KMT2E: variants seen among roughly 807,000 people sequenced by gnomAD.
KMT2E encodes lysine methyltransferase 2E (inactive).
In KMT2E, 30 loss-of-function variants were observed where a neutral mutation model predicts 184.6. That is an observed-to-expected ratio of 0.16 (90% CI 0.12 to 0.22). The LOEUF (loss-of-function observed/expected upper bound fraction) is 0.22. Among genes scored for constraint, KMT2E ranks in the 10% least tolerant of loss-of-function variants. The probability of loss-of-function intolerance (pLI) is 1.00; values close to 1 mark genes in which losing one functional copy is unlikely to be tolerated. For missense variants in KMT2E, 2,023 were observed against 2,237.4 expected (o/e 0.90, Z 1.93); for synonymous variants, 815 against 776.5 (o/e 1.05, Z -0.82).
Position 105,105,546 on chromosome 7 carries a change from T to C in KMT2E, c.2304T>C (p.Ala768=). ...LRITTDPEVL[A]TQLNSLPGLT... Reference sequence around the variant, plus strand: ...TAACTACAGATCCTGAAGTGTTAGCTACACAACTCAATTCTTTACCAGGTC... The same window carrying C: ...TAACTACAGATCCTGAAGTGTTAGCCACACAACTCAATTCTTTACCAGGTC... Residue 768 remains alanine, a synonymous_variant, in exon 18 of 27, where the codon GCT becomes GCC. Coordinates refer to ENST00000311117, the MANE Select transcript of KMT2E (RefSeq NM_182931.3). 1 of 1,614,158 alleles carries C rather than the reference T, an allele frequency of 6.2e-7. No homozygotes were observed. The highest frequency in any genetic ancestry group is 8.5e-7 in the Non-Finnish European group (1 of 1,179,992).
intron 3 of KMT2E, among the ~76,000 whole-genome samples, chr7:105,048,936 C>T (rs1172712265): frequency 1.3e-5 from 2 of 152,066 alleles, no homozygotes; most frequent in African/African-American, 2.4e-5. Context: ...ATTTTATTGG[C>T]TTAAGCAAGT....
chr7:105,029,407 A>G (rs1360915138), intron 1 of KMT2E, among the ~76,000 whole-genome samples: 1 of 152,200 alleles, frequency 6.6e-6, no homozygotes, highest in Non-Finnish European at 1.5e-5. Context: ...ATTTGATTTG[A>G]TTTGGTTTTA....
Position 105,107,451 on chromosome 7 carries a change from T to G in KMT2E, c.2994T>G (p.Ile998Met), listed in dbSNP as rs1174566464. The G allele has an allele frequency of 1.2e-6, 2 of 1,613,912 alleles. No individual in the cohort carries two copies. The highest frequency in any genetic ancestry group is 1.7e-5 in the Admixed American group (1 of 59,958). ...TELGLQEIKT[I>M]GYTSPRSRTE... The stretch of plus-strand genomic sequence containing the variant: ...TGGGTCTGCAAGAAATAAAGACTAT[T>G]GGTTATACGAGCCCTAGGAGTAGGA... Residue 998 changes from isoleucine to methionine, a missense_variant, in exon 22 of 27, where the codon ATT (isoleucine) becomes ATG (methionine). Ile to Met is a conservative substitution (Grantham distance 10). This residue lies in a region of KMT2E where 1,108 missense variants were observed against 1,050.9 expected (regional missense o/e 1.05). Coordinates refer to ENST00000311117, the MANE Select transcript of KMT2E (RefSeq NM_182931.3).
At chr7:105,083,024 C>T (rs978487923) in intron 13 of KMT2E, among the ~76,000 whole-genome samples, 1 of 152,166 alleles carries the variant, frequency 6.6e-6, no homozygotes. Context: ...AGATCCATAT[C>T]TGTATTCTTC....
At position 105,113,398 on chromosome 7, in the gene KMT2E, G is replaced by T. The variant is rs773439039; in HGVS notation, c.*65G>T. On this transcript the variant is annotated 3_prime_UTR_variant, in exon 27 of 27. Transcript: ENST00000311117. ...TAAACTGTATATTTCATATGTACCTGTTAAGGTACTTTTTAAAGCTTGTAC... is the reference window on the plus strand; with the variant it reads ...TAAACTGTATATTTCATATGTACCTTTTAAGGTACTTTTTAAAGCTTGTAC... The T allele has an allele frequency of 3.8e-5, 55 of 1,458,632 alleles. No homozygotes were observed. The highest frequency in any genetic ancestry group is 4.5e-5 in the Non-Finnish European group (49 of 1,087,132). 90.4% of individuals were successfully genotyped at this position (1,458,632 alleles called of 1,614,324 possible).
At chr7:105,102,805 G>A (rs1562928644) in intron 17 of KMT2E, 1 of 152,328 alleles carries the variant, frequency 6.6e-6, no homozygotes, top group Non-Finnish European at 1.5e-5. Flanking sequence ...ATGCTGTTTA[G>A]GGGTAGATCA....
At chr7:105,024,339 C>A (rs1478690131) in intron 1 of KMT2E, among the ~76,000 whole-genome samples, 2 of 152,064 alleles carry the variant, frequency 1.3e-5, no homozygotes, top group African/African-American at 4.8e-5. Context: ...AGTCTTAATT[C>A]GGTGTTTAAA....
Position 105,112,827 on chromosome 7 carries a change from C to T in KMT2E, c.5071C>T (p.His1691Tyr). The change falls in exon 27 of 27, where the codon CAT becomes TAT. Residue 1691 changes from histidine (H) to tyrosine (Y), a missense_variant. Coordinates refer to ENST00000311117, the MANE Select transcript of KMT2E (RefSeq NM_182931.3). ...CCCTCCTGGTCCTGCCCCTCATCACCATCCACCACCCCATCCATCCACAGG... is the reference window on the plus strand; with the variant it reads ...CCCTCCTGGTCCTGCCCCTCATCACTATCCACCACCCCATCCATCCACAGG... ...PPPPGPAPHH[H>Y]PPPHPSTGLQ... The T allele has an allele frequency of 6.2e-7, 1 of 1,600,740 alleles. No individual in the cohort carries two copies. Among genetic ancestry groups the T allele is most frequent in the South Asian group, 1.1e-5 (1 of 90,130 alleles).
intron 3 of KMT2E, among the ~76,000 whole-genome samples, chr7:105,051,518 A>G (rs1796346971): frequency 6.6e-6 from 1 of 152,140 alleles, no homozygotes; most frequent in South Asian, 2.1e-4. Context: ...ATCTCTATCC[A>G]GTTGCTTAAA....
At chr7:105,098,801 A>G (rs1798530157) in intron 15 of KMT2E, among the ~76,000 whole-genome samples, 1 of 152,162 alleles carries the variant, frequency 6.6e-6, no homozygotes, top group South Asian at 2.1e-4. Flanking sequence ...TTACTCTTGG[A>G]AAACCATAAA....
rs765408852 is a variant in KMT2E at position 105,112,191 on chromosome 7, A to G, written c.4435A>G (p.Arg1479Gly). ...TTCACAGCAGTTAGGATCTCCCTACAGGCCTCATCATTCACAGTCACCTCA... is the reference window on the plus strand; with the variant it reads ...TTCACAGCAGTTAGGATCTCCCTACGGGCCTCATCATTCACAGTCACCTCA... Reference protein sequence around the residue: ...PPSQQLGSPYRPHHSQSPQVG... With the variant: ...PPSQQLGSPYGPHHSQSPQVG... The change falls in exon 27 of 27, where the codon AGG becomes GGG. Residue 1479 changes from arginine (R) to glycine (G), a missense_variant. Arg to Gly is a moderately radical substitution (Grantham distance 125). Transcript: ENST00000311117. 6 of 1,614,152 alleles carry G rather than the reference A, an allele frequency of 3.7e-6. No homozygotes were observed. Among genetic ancestry groups the G allele is most frequent in the South Asian group, 1.1e-5 (1 of 91,086 alleles).
At chr7:105,059,229 A>G (rs1796693463) in intron 3 of KMT2E, among the ~76,000 whole-genome samples, 1 of 152,202 alleles carries the variant, frequency 6.6e-6, no homozygotes, top group Non-Finnish European at 1.5e-5. Context: ...TGCTACTCCA[A>G]AATATCCAAG....
intron 1 of KMT2E, among the ~76,000 whole-genome samples, chr7:105,019,633 G>A (rs1794862818): frequency 6.6e-6 from 1 of 152,080 alleles, no homozygotes; most frequent in African/African-American, 2.4e-5. Flanking sequence ...TTTCAAATAT[G>A]AAATCTGGGT....
intron 3 of KMT2E, among the ~76,000 whole-genome samples, chr7:105,042,150 C>G (rs1330605697): frequency 1.3e-5 from 2 of 152,036 alleles, no homozygotes; most frequent in African/African-American, 2.4e-5. Flanking sequence ...GCCACCACAC[C>G]CAGCTAATTT....
chr7:105,028,590 C>G (rs1795269360), intron 1 of KMT2E, among the ~76,000 whole-genome samples: 1 of 152,128 alleles, frequency 6.6e-6, no homozygotes. Context: ...CTCCCAGGCT[C>G]AAGCAATTCT....
At chr7:105,047,655 A>G (rs529514651) in intron 3 of KMT2E, among the ~76,000 whole-genome samples, 1 of 152,348 alleles carries the variant, frequency 6.6e-6, no homozygotes, top group South Asian at 2.1e-4. Context: ...ATGTGAAAAC[A>G]AAGTTTCAGA....
At chr7:105,017,024 G>T (rs963880329) in intron 1 of KMT2E, among the ~76,000 whole-genome samples, 3 of 152,276 alleles carry the variant, frequency 2.0e-5, no homozygotes, top group African/African-American at 4.8e-5. Flanking sequence ...TTTGGGGTCA[G>T]TACTCATTTG....
At chr7:105,045,403 A>G (rs1008507123) in intron 3 of KMT2E, among the ~76,000 whole-genome samples, 5 of 152,142 alleles carry the variant, frequency 3.3e-5, no homozygotes, top group South Asian at 2.1e-4. Context: ...ACTGTTTTCA[A>G]ACTTTATCAT....
chr7:105,020,570 C>T (rs997437489), intron 1 of KMT2E, among the ~76,000 whole-genome samples: 2 of 151,944 alleles, frequency 1.3e-5, no homozygotes, highest in South Asian at 2.1e-4. Context: ...GGGCAACGAG[C>T]GAAACTGCAT....
Sources: gnomAD v4.1 joint callset for allele counts (sites outside exome capture counted in the v4.1 genomes callset) on GRCh38, gnomAD v4.1.1 for gene constraint, gnomAD v4.1.1 regional missense constraint, MANE v1.5 for transcripts, NCBI Gene and HGNC (gene_info 2026-07-23, HGNC 2026-07-21) for gene names.